Variants in A1CF observed in about 807,000 individuals in gnomAD.
A1CF encodes APOBEC1 complementation factor.
Under a neutral mutation model 68.9 loss-of-function variants are expected in A1CF, and 48 were observed. That is an observed-to-expected ratio of 0.70 (90% CI 0.55 to 0.89). A1CF has a LOEUF of 0.89. A1CF is among the 40% of genes least tolerant of loss of function. The pLI is 0.00. For missense variants in A1CF, 653 were observed against 718.9 expected, an observed-to-expected ratio of 0.91 and a Z score of 1.05; for synonymous variants, 272 against 260.4, an observed-to-expected ratio of 1.04 and a Z score of -0.43.
At chr10:50,836,390 T>A (rs573337900) in intron 5 of A1CF, 78 bp from the exon 6 acceptor site, 1 of 1,474,592 alleles carries the variant, frequency 6.8e-7, no homozygotes, top group African/African-American at 1.4e-5. Context: ...GTGGGCCAAA[T>A]GTTGCCTGAA....
intron 1 of A1CF, among the ~76,000 whole-genome samples, chr10:50,880,331 G>T (rs980533984): frequency 6.6e-6 from 1 of 152,148 alleles, no homozygotes; most frequent in African/African-American, 2.4e-5. Context: ...TTGGAAAAAT[G>T]GCGTAGCAAT....
intron 9 of A1CF, 172 bp from the exon 10 acceptor site, chr10:50,814,210 A>T (rs1035455975): frequency 3.0e-6 from 2 of 672,400 alleles, no homozygotes; most frequent in East Asian, 5.5e-5. Context: ...ATGAAACTCA[A>T]CATAAGGTAA....
rs897156464 is a variant in A1CF, at chr10:50,801,086, T to A, written c.*5643A>T. On this transcript the variant is annotated 3_prime_UTR_variant, in exon 13 of 13. Transcript: ENST00000373997. The stretch of plus-strand genomic sequence containing the variant: ...TTTTGTCTTGCCCCACCACCTAACC[T>A]GGCATAATAATGACTAGCTTGCTCT... 3.9e-5 allele frequency: 6 copies of A among 152,268 alleles called. No homozygotes were observed. Among genetic ancestry groups the A allele is most frequent in the Middle Eastern group, 3.2e-3 (1 of 316 alleles). 9.4% of individuals were successfully genotyped at this position (152,268 alleles called of 1,614,324 possible). A position where few individuals can be genotyped will look rare whatever the true frequency, so the allele number is the denominator to read the frequency against.
At position 50,802,164 on chromosome 10, in the gene A1CF, C is replaced by T. The variant is rs1392697617; in HGVS notation, c.*4565G>A. The T allele has an allele frequency of 6.6e-6, 1 of 152,114 alleles. No homozygotes were observed. The highest frequency in any genetic ancestry group is 1.5e-5 in the Non-Finnish European group (1 of 68,006). The allele number at this position is 152,114 out of a possible 1,614,324, so 9.4% of individuals were successfully genotyped here. A position where few individuals can be genotyped will look rare whatever the true frequency, so the allele number is the denominator to read the frequency against. ...CTTAGTTTCACTCATTATAGCGCAA[C>T]TTACTTTGTTTTTCTAATGTTGGCA... On this transcript the variant is annotated 3_prime_UTR_variant, in exon 13 of 13. Coordinates refer to ENST00000373997, the MANE Select transcript of A1CF (RefSeq NM_014576.4).
chr10:50,884,166 A>G (rs185422494), intron 1 of A1CF, among the ~76,000 whole-genome samples: 3 of 152,304 alleles, frequency 2.0e-5, no homozygotes, highest in Admixed American at 2.0e-4. Flanking sequence ...TAGTGTAGGA[A>G]ATGTTGATAT....
chr10:50,845,291 C>T (rs1028313154), intron 3 of A1CF, among the ~76,000 whole-genome samples: 1 of 151,964 alleles, frequency 6.6e-6, no homozygotes, highest in South Asian at 2.1e-4. Context: ...GAAAAAAACC[C>T]CAAAACCTTG....
chr10:50,833,495 G>A (rs1839344690), intron 6 of A1CF, among the ~76,000 whole-genome samples: 1 of 152,174 alleles, frequency 6.6e-6, no homozygotes, highest in South Asian at 2.1e-4. Flanking sequence ...TTCTCAAGGG[G>A]GAACTGCCAC....
At chr10:50,885,190 G>A (rs565043442) in intron 1 of A1CF, among the ~76,000 whole-genome samples, 2 of 152,220 alleles carry the variant, frequency 1.3e-5, no homozygotes, top group Admixed American at 6.5e-5. Flanking sequence ...AAAATCTGCT[G>A]GTGATGTTAA....
chr10:50,833,883 C>G (rs1221392818), intron 6 of A1CF, among the ~76,000 whole-genome samples: 3 of 152,156 alleles, frequency 2.0e-5, no homozygotes, highest in Non-Finnish European at 4.4e-5. Context: ...CCACCTGAGA[C>G]TGGCTCAAAG....
intron 12 of A1CF, among the ~76,000 whole-genome samples, chr10:50,809,419 A>G (rs979941457): frequency 2.6e-5 from 4 of 152,196 alleles, no homozygotes; most frequent in Non-Finnish European, 4.4e-5. Flanking sequence ...TGGCCAAATT[A>G]CTTAATCTTT....
At chr10:50,835,973 G>C in intron 6 of A1CF, 101 bp downstream of exon 6, 2 of 1,081,786 alleles carry the variant, frequency 1.8e-6, no homozygotes, top group Non-Finnish European at 2.7e-6. Flanking sequence ...AAAATACAGC[G>C]TAATGAAAGA....
chr10:50,851,069 A>G (rs575399121), intron 3 of A1CF, among the ~76,000 whole-genome samples: 4 of 152,334 alleles, frequency 2.6e-5, no homozygotes, highest in Admixed American at 2.6e-4. Flanking sequence ...ACATATGCCA[A>G]ACATAATCCC....
Position 50,860,201 on chromosome 10 carries a change from AT to A in A1CF, c.-45-217del, listed in dbSNP as rs926947589. Among the ~76,000 whole-genome samples, 11 of 152,314 alleles carry A rather than the reference AT, an allele frequency of 7.2e-5. No homozygotes were observed. The Middle Eastern group carries it at 0.014, about 188-fold the overall frequency. On this transcript the variant is annotated intron_variant, in intron 2 of 12. Transcript: ENST00000373997. ...GGTTGAAATTTAGAAACAAAAAAAA[AT>A]GAACAATACCCATTCTCCAATTATA...
At chr10:50,823,686 G>C (rs546809183) in intron 7 of A1CF, 1 of 152,278 alleles carries the variant, frequency 6.6e-6, no homozygotes, top group South Asian at 2.1e-4. Flanking sequence ...AGGAAGATCA[G>C]ATTTTGTAGA....
chr10:50,841,606 C>A (rs1839780478), intron 5 of A1CF, among the ~76,000 whole-genome samples: 1 of 152,020 alleles, frequency 6.6e-6, no homozygotes, highest in Non-Finnish European at 1.5e-5. Context: ...GAACAGTGCC[C>A]AATATATATT....
Position 50,813,904 on chromosome 10 carries a change from T to C in A1CF, c.1276A>G (p.Met426Val), listed in dbSNP as rs763289449. 66 of 1,613,760 alleles carry C rather than the reference T, an allele frequency of 4.1e-5. No homozygotes were observed. The highest frequency in any genetic ancestry group is 1.6e-4 in the Middle Eastern group (1 of 6,082). Residue 426 changes from methionine (M) to valine (V), a missense_variant, in exon 10 of 13, where the codon ATG (methionine) becomes GTG (valine). Transcript: ENST00000373997. ...DILPGMELTPMNPVTLKPQGI... is the reference protein window; with the variant it reads ...DILPGMELTPVNPVTLKPQGI... ...TGGGGTTTTAATGTGACAGGATTCA[T>C]TGGGGTGAGCTCCATCCCAGGTAAA...
At chr10:50,819,844 TCTTC>T (rs1364366314) in intron 8 of A1CF, among the ~76,000 whole-genome samples, 9 of 152,334 alleles carry the variant, frequency 5.9e-5, no homozygotes, top group South Asian at 2.1e-4. Flanking sequence ...ATAGCCCACT[TCTTC>T]CTTTGAACTT....
In A1CF at chr10:50,816,051, C is replaced by T. The variant is rs865783456; in HGVS notation, c.1096G>A (p.Gly366Arg). ...IPSLHFPATK[G>R]HLSNRAIIRA... ...ATAATGGCTCTGTTGCTGAGATGTCCTTTGGTGGCTGGGAAATGAAGACTG... is the reference window on the plus strand; with the variant it reads ...ATAATGGCTCTGTTGCTGAGATGTCTTTTGGTGGCTGGGAAATGAAGACTG... The change falls in exon 9 of 13, where the codon GGA becomes AGA. Residue 366 changes from glycine to arginine, a missense_variant. By Grantham distance (125) the Gly-to-Arg change is moderately radical (BLOSUM62 -2). Transcript: ENST00000373997. The T allele has an allele frequency of 6.2e-7, 1 of 1,613,634 alleles. No individual in the cohort carries two copies. The highest frequency in any genetic ancestry group is 8.5e-7 in the Non-Finnish European group (1 of 1,179,782).
chr10:50,840,332 G>T (rs1839718649), intron 5 of A1CF, among the ~76,000 whole-genome samples: 1 of 151,206 alleles, frequency 6.6e-6, no homozygotes, highest in Non-Finnish European at 1.5e-5. Flanking sequence ...ACTGGGTTAA[G>T]CACTGTAAAG....
Sources: allele counts gnomAD v4.1 joint callset (sites outside exome capture counted in the v4.1 genomes callset), GRCh38; gene constraint gnomAD v4.1.1; transcripts MANE v1.5; gene names NCBI Gene and HGNC (gene_info 2026-07-23, HGNC 2026-07-21).